PLXNB2: variants seen among roughly 807,000 people sequenced by gnomAD.
The protein encoded by PLXNB2 is plexin-B2.
A neutral mutation model predicts 202.6 loss-of-function variants in PLXNB2; 85 were observed. That is an observed-to-expected ratio of 0.42 (90% confidence interval 0.35 to 0.50). The LOEUF is 0.50. Among genes scored for constraint, PLXNB2 ranks in the 20% least tolerant of loss-of-function variants. PLXNB2 has a pLI of 0.02. For missense variants in PLXNB2, 2,063 were observed against 2,586.2 expected, an observed-to-expected ratio of 0.80 and a Z score of 4.39; for synonymous variants, 1,239 against 1,137.6, an observed-to-expected ratio of 1.09 and a Z score of -1.79.
Position 50,278,016 on chromosome 22 carries a change from G to GT in PLXNB2, c.4888-4dup, listed in dbSNP as rs1367881340. Reference sequence around the variant, plus strand: ...TCCACAAACTGCTGCAGTGTGCCCTGTGGGGGGGAGGGTCTCAGCGTGACG... The same window carrying GT: ...TCCACAAACTGCTGCAGTGTGCCCTGTTGGGGGGGAGGGTCTCAGCGTGACG... On this transcript the variant is annotated splice_region_variant and splice_polypyrimidine_tract_variant and intron_variant, in intron 31 of 36. Coordinates refer to ENST00000359337, the MANE Select transcript of PLXNB2 (RefSeq NM_012401.4). 8 of 1,610,800 alleles carry GT rather than the reference G, an allele frequency of 5.0e-6. No individual in the cohort carries two copies. In the African/African-American group the frequency reaches 9.4e-5, roughly 19 times the overall value.
In PLXNB2 at chr22:50,283,350, T is replaced by C; in HGVS notation, c.2666A>G (p.Gln889Arg). The C allele has an allele frequency of 6.2e-7, 1 of 1,613,080 alleles. No individual in the cohort carries two copies. Among genetic ancestry groups the C allele is most frequent in the Non-Finnish European group, 8.5e-7 (1 of 1,179,888 alleles). Residue 889 changes from glutamine to arginine, a missense_variant, in exon 16 of 37, where the codon CAG becomes CGG. By Grantham distance (43) the Gln-to-Arg change is conservative. Coordinates refer to ENST00000359337, the MANE Select transcript of PLXNB2 (RefSeq NM_012401.4). ...CCGGGTGCTTACTTGGAAGGTGAAC[T>C]GGACATTGGGAGGCGAACGGCCCAG... is the stretch of plus-strand genomic sequence containing the variant. ...GKLGRSPPNV[Q>R]FTFQQPKPLS...
chr22:50,284,184 G>A lies in PLXNB2; in HGVS notation c.2211C>T (p.Pro737=). Residue 737 remains proline (P), a synonymous_variant, in exon 13 of 37, where the codon CCC becomes CCT. Transcript: ENST00000359337. The surrounding 1 kb of genome is among the most constrained non-coding windows in gnomAD (Gnocchi z 8.0). ...CGTAAGACTTGACGTAGAGGTGCAG[G>A]GGCAGCGTCTCGTTGGCATCGTGGG... is the stretch of plus-strand genomic sequence containing the variant. ...KLSHDANETL[P]LHLYVKSYGK... The A allele has an allele frequency of 6.2e-7, 1 of 1,612,878 alleles. No homozygotes were observed. The highest frequency in any genetic ancestry group is 1.1e-5 in the South Asian group (1 of 91,072).
rs762346500 is a variant in PLXNB2, at chr22:50,282,173, C to G, written c.3117+11G>C. The G allele has an allele frequency of 4.4e-6, 7 of 1,608,080 alleles. No individual in the cohort carries two copies. The highest frequency in any genetic ancestry group is 5.9e-6 in the Non-Finnish European group (7 of 1,178,354). Reference sequence around the variant, plus strand: ...GGCCGGTGCCAGAGCTGAGCCCACGCCAGGACTGACCGTCATGGGCTGCAG... The same window carrying G: ...GGCCGGTGCCAGAGCTGAGCCCACGGCAGGACTGACCGTCATGGGCTGCAG... On this transcript the variant is annotated intron_variant, in intron 19 of 36. Transcript: ENST00000359337.
rs554649947 is a variant in PLXNB2, at chr22:50,284,720, C to T, written c.2089-55G>A. ...AGGCGGCTGTGGCACCCTGGCCCTC[C>T]TCCCAGAACCCCTGCAGCCCCTCCT... On this transcript the variant is annotated intron_variant, in intron 11 of 36. Coordinates refer to ENST00000359337, the MANE Select transcript of PLXNB2 (RefSeq NM_012401.4). This position sits in a 1 kb window ranked among gnomAD's most constrained non-coding sequence, Gnocchi z 8.0. The T allele has an allele frequency of 4.5e-6, 6 of 1,335,266 alleles. No individual in the cohort carries two copies. In the African/African-American group the frequency reaches 7.2e-5, roughly 16 times the overall value. 82.7% of individuals were successfully genotyped at this position (1,335,266 alleles called of 1,614,324 possible).
rs1212734655 is a variant in PLXNB2 at position 50,275,650 on chromosome 22, G to A, written c.*54C>T. The stretch of plus-strand genomic sequence containing the variant: ...AGCCACTCGGCCTCCTCCCCTGAGG[G>A]GCTCTCAGGTACCTCAGGTACCTAT... On this transcript the variant is annotated 3_prime_UTR_variant, in exon 37 of 37. Transcript: ENST00000359337. 1.6e-6 allele frequency: 2 copies of A among 1,271,408 alleles called. No individual in the cohort carries two copies. Among genetic ancestry groups the A allele is most frequent in the East Asian group, 4.7e-5 (2 of 42,786 alleles). The allele number at this position is 1,271,408 out of a possible 1,614,324, so 78.8% of individuals were successfully genotyped here. A position where few individuals can be genotyped will look rare whatever the true frequency, so the allele number is the denominator to read the frequency against.
intron 24 of PLXNB2, 30 bp downstream of exon 24, chr22:50,280,714 G>GCCCCCCCCCCCC: frequency 2.0e-6 from 3 of 1,528,922 alleles, no homozygotes; most frequent in African/African-American, 1.4e-5. Flanking sequence ...CCACCTGTGT[G>GCCCCCCCCCCCC]CCCTCCCGCC....
chr22:50,282,630 C>T (rs963379199), intron 18 of PLXNB2, 81 bp downstream of exon 18: 108 of 1,010,502 alleles, frequency 1.1e-4, no homozygotes, highest in Non-Finnish European at 1.5e-4. Context: ...CACCACATTC[C>T]TTTCAGCACA....
Position 50,283,982 on chromosome 22 carries a change from A to T in PLXNB2, c.2272T>A (p.Tyr758Asn). The T allele has an allele frequency of 6.5e-7, 1 of 1,543,152 alleles. No homozygotes were observed. Among genetic ancestry groups the T allele is most frequent in the Non-Finnish European group, 8.7e-7 (1 of 1,147,894 alleles). ...TCGCTGCGGCCAAAGGAGCAGTTGTAGAGGGTCACTGCGGGGAGAGCTGCC... is the reference window on the plus strand; with the variant it reads ...TCGCTGCGGCCAAAGGAGCAGTTGTTGAGGGTCACTGCGGGGAGAGCTGCC... ...NIDSKLHVTL[Y>N]NCSFGRSDCS... Residue 758 changes from tyrosine to asparagine, a missense_variant, in exon 14 of 37, where the codon TAC (tyrosine) becomes AAC (asparagine). Physicochemically the swap from Tyr to Asn is moderately radical, Grantham distance 143. This residue lies in a region of PLXNB2 where 1,303 missense variants were observed against 1,476.8 expected (regional missense o/e 0.88). Coordinates refer to ENST00000359337, the MANE Select transcript of PLXNB2 (RefSeq NM_012401.4).
chr22:50,283,509 AC>A (rs1311353156), intron 15 of PLXNB2, 64 bp from the exon 16 acceptor site: 14 of 1,359,464 alleles, frequency 1.0e-5, no homozygotes, highest in Middle Eastern at 2.3e-4. Context: ...TGACACCCTC[AC>A]CCCCTCAGCC....
Position 50,280,862 on chromosome 22 carries a change from C to CCG in PLXNB2, c.3873_3874dup (p.Gly1292AlafsTer6). Reference sequence around the variant, plus strand: ...GCCGGTGATCATCACGTCCTTGTCGCCGTCCTTGGAGGGCAGGAAGAAGAC... The same window carrying CCG: ...GCCGGTGATCATCACGTCCTTGTCGCCGCGTCCTTGGAGGGCAGGAAGAAGAC... On this transcript the variant is annotated frameshift_variant, in exon 24 of 37. Transcript: ENST00000359337. LOFTEE classifies it high-confidence loss of function. The CCG allele has an allele frequency of 6.2e-7, 1 of 1,613,564 alleles. No homozygotes were observed. Among genetic ancestry groups the CCG allele is most frequent in the Non-Finnish European group, 8.5e-7 (1 of 1,179,982 alleles).
At chr22:50,283,020 C>A (rs2066131881) in intron 17 of PLXNB2, 30 bp downstream of exon 17, 3 of 1,593,650 alleles carry the variant, frequency 1.9e-6, no homozygotes, top group African/African-American at 1.3e-5. Flanking sequence ...CCAGGGCCAA[C>A]CAGACTCAGC....
intron 32 of PLXNB2, 43 bp downstream of exon 32, chr22:50,277,810 G>T: frequency 6.2e-7 from 1 of 1,603,300 alleles, no homozygotes; most frequent in Non-Finnish European, 8.5e-7. Flanking sequence ...CCAAGTGAGA[G>T]GCGGAGCCGG....
At position 50,287,162 on chromosome 22, in the gene PLXNB2, C is replaced by T. The variant is rs994545360; in HGVS notation, c.1711G>A (p.Ala571Thr). The change falls in exon 8 of 37, where the codon GCC (alanine) becomes ACC (threonine). Residue 571 changes from alanine (A) to threonine (T), a missense_variant. By Grantham distance (58) the Ala-to-Thr change is moderately conservative. This residue lies in a region of PLXNB2 where 1,303 missense variants were observed against 1,476.8 expected (regional missense o/e 0.88). Transcript: ENST00000359337. ...PPHPARVEGE[A>T]VICNSPSSIP... The stretch of plus-strand genomic sequence containing the variant: ...CTGCTTGGGGAGTTGCAGATGACGG[C>T]CTCGCCCTCCACGCGGGCGGGGTGT... 1.4e-5 allele frequency: 21 copies of T among 1,546,470 alleles called. No individual in the cohort carries two copies. The highest frequency in any genetic ancestry group is 1.7e-5 in the Non-Finnish European group (20 of 1,144,954).
rs113561946 is a variant in PLXNB2, at chr22:50,282,079, C to T, written c.3120G>A (p.Val1040=). 58 of 1,610,048 alleles carry T rather than the reference C, an allele frequency of 3.6e-5. 1 individual carries two copies. In the African/African-American group the frequency reaches 5.3e-4, roughly 15 times the overall value. The part of the protein sequence containing the change: ...REAESLQPMT[V]VGTDYVFHND... ...TGTGGAACACGTAGTCTGTACCCAC[C>T]ACCTGCAGGCAAGTCCCAGCTGTCA... The change falls in exon 20 of 37, where the codon GTG becomes GTA. Residue 1040 remains valine (V), a splice_region_variant and synonymous_variant. Transcript: ENST00000359337.
Position 50,276,884 on chromosome 22 carries a change from A to G in PLXNB2, c.5219T>C (p.Leu1740Pro). 1 of 1,603,676 alleles carries G rather than the reference A, an allele frequency of 6.2e-7. No homozygotes were observed. The highest frequency in any genetic ancestry group is 8.5e-7 in the Non-Finnish European group (1 of 1,175,084). The change falls in exon 34 of 37, where the codon CTG becomes CCG. Residue 1740 changes from leucine (L) to proline (P), a missense_variant. Physicochemically the swap from Leu to Pro is moderately conservative, Grantham distance 98. Coordinates refer to ENST00000359337, the MANE Select transcript of PLXNB2 (RefSeq NM_012401.4). Reference protein sequence around the residue: ...LSRDSPSNKLLYAKEISTYKK... With the variant: ...LSRDSPSNKLPYAKEISTYKK... ...GTAGGTGGAGATCTCCTTGGCGTAC[A>G]GCAGCTTGTTGCTGGGAGAATCCTG...
intron 7 of PLXNB2, 132 bp downstream of exon 7, chr22:50,287,535 G>A: frequency 9.8e-7 from 1 of 1,017,270 alleles, no homozygotes; most frequent in South Asian, 1.7e-5. Context: ...CATCCCTAAG[G>A]CTCGGTGCCC....
At chr22:50,292,758 C>T (rs1406414922) in intron 2 of PLXNB2, among the ~76,000 whole-genome samples, 4 of 152,214 alleles carry the variant, frequency 2.6e-5, no homozygotes, top group East Asian at 1.9e-4. Context: ...TCTGATTGCC[C>T]GCACGCTTCC....
rs771435200 is a variant in PLXNB2 at position 50,289,836 on chromosome 22, C to T, written c.749G>A (p.Cys250Tyr). The change falls in exon 3 of 37, where the codon TGC (cysteine) becomes TAC (tyrosine). Residue 250 changes from cysteine to tyrosine, a missense_variant. This residue lies in a region of PLXNB2 where 1,303 missense variants were observed against 1,476.8 expected (regional missense o/e 0.88). Coordinates refer to ENST00000359337, the MANE Select transcript of PLXNB2 (RefSeq NM_012401.4). The surrounding 1 kb of genome is among the most constrained non-coding windows in gnomAD (Gnocchi z 8.0). ...ARNRTLLARM[C>Y]REDPNYYSYL... ...GGAGTAGTAGTTGGGGTCTTCTCTG[C>T]ACATGCGTGCCAGCAGCGTGCGGTT... 6.2e-7 allele frequency: 1 copy of T among 1,613,320 alleles called. No homozygotes were observed. The highest frequency in any genetic ancestry group is 8.5e-7 in the Non-Finnish European group (1 of 1,180,036).
At chr22:50,276,174 C>T (rs1569154543) in intron 35 of PLXNB2, among the ~76,000 whole-genome samples, 1 of 152,102 alleles carries the variant, frequency 6.6e-6, no homozygotes, top group Non-Finnish European at 1.5e-5. Flanking sequence ...CAGTGTCTCC[C>T]TGTGTGACGC....
Sources: gnomAD v4.1 joint callset for allele counts (sites outside exome capture counted in the v4.1 genomes callset) on GRCh38, gnomAD v4.1.1 for gene constraint, gnomAD v4.1.1 regional missense constraint, Gnocchi (gnomAD v3.1) non-coding constraint, MANE v1.5 for transcripts, NCBI Gene and HGNC (gene_info 2026-07-23, HGNC 2026-07-21) for gene names.